PDE1C: variants seen among roughly 807,000 people sequenced by gnomAD.
The protein encoded by PDE1C is dual specificity calcium/calmodulin-dependent 3',5'-cyclic nucleotide phosphodiesterase 1C.
In PDE1C, 62 loss-of-function variants were observed where a neutral mutation model predicts 93.1. The ratio of observed to expected loss-of-function variants is 0.67; its 90% CI spans 0.54 to 0.82. PDE1C has a LOEUF of 0.82. Among genes scored for constraint, PDE1C ranks in the 40% least tolerant of loss-of-function variants. PDE1C has a pLI of 0.00. For missense variants in PDE1C, 742 were observed against 884.6 expected, an observed-to-expected ratio of 0.84 and a Z score of 2.04; for synonymous variants, 325 against 310.1, an observed-to-expected ratio of 1.05 and a Z score of -0.50.
intron 1 of PDE1C, among the ~76,000 whole-genome samples, chr7:32,260,153 T>C (rs1340943096): frequency 6.6e-6 from 1 of 152,180 alleles, no homozygotes; most frequent in Non-Finnish European, 1.5e-5. Flanking sequence ...CTTCAGGTTC[T>C]GACTCAAAGC....
intron 1 of PDE1C, among the ~76,000 whole-genome samples, chr7:32,325,574 C>G (rs1783389860): frequency 6.6e-6 from 1 of 152,236 alleles, no homozygotes. Flanking sequence ...CATGTAAGAT[C>G]CAATCCAAGA....
chr7:31,653,553 T>C, the PDE1C span: 1 of 152,160 alleles, frequency 6.6e-6, no homozygotes, highest in Non-Finnish European at 1.5e-5. Context: ...CAGAACTGTT[T>C]TAGACTAAAG....
chr7:32,231,956 T>TACACACAC (rs1491530109), intron 1 of PDE1C, among the ~76,000 whole-genome samples: 3 of 126,858 alleles, frequency 2.4e-5, no homozygotes, highest in Non-Finnish European at 3.6e-5. Context: ...TAAATATGTG[T>TACACACAC]ATACACACAC....
At chr7:32,020,799 A>C (rs1461312974) in intron 2 of PDE1C, among the ~76,000 whole-genome samples, 2 of 152,284 alleles carry the variant, frequency 1.3e-5, no homozygotes, top group East Asian at 3.9e-4. Context: ...TCTTCCCAAC[A>C]ACATGAGGAT....
At chr7:31,710,333 C>T in the PDE1C span, among the ~76,000 whole-genome samples, 1 of 152,310 alleles carries the variant, frequency 6.6e-6, no homozygotes, top group African/African-American at 2.4e-5. Context: ...ATGTGCAAGA[C>T]TTGGCGCTCT....
At chr7:32,122,100 C>T (rs1799332895) in intron 3 of PDE1C, among the ~76,000 whole-genome samples, 1 of 152,046 alleles carries the variant, frequency 6.6e-6, no homozygotes. Flanking sequence ...GACTTTAAAC[C>T]AACAAAGATC....
chr7:32,169,555 A>G (rs1316854560), intron 3 of PDE1C, among the ~76,000 whole-genome samples: 1 of 152,148 alleles, frequency 6.6e-6, no homozygotes. Context: ...AAATGCCAAT[A>G]CCAATTAAAT....
rs140142015 is a variant in PDE1C at position 32,188,379 on chromosome 7, T to A, written c.137-18423A>T. On this transcript the variant is annotated intron_variant, in intron 2 of 18. Transcript: ENST00000396193. ...TCAGCATACATACGATTCATTTATT[T>A]ATGTTGGTTCTTTCTTTTCTGACCT... Among the ~76,000 whole-genome samples, 74 of 152,258 alleles carry A rather than the reference T, an allele frequency of 4.9e-4. No individual in the cohort carries two copies. In the East Asian group the frequency reaches 0.013, roughly 27 times the overall value.
intron 2 of PDE1C, among the ~76,000 whole-genome samples, chr7:32,039,452 C>T (rs1791543047): frequency 6.6e-6 from 1 of 152,114 alleles, no homozygotes; most frequent in Admixed American, 6.6e-5. Context: ...AATGGTGGAA[C>T]ACATCTGAAA....
At chr7:32,298,849 C>T (rs1812797357) in exon 1 of PDE1C, 14 of 1,416,094 alleles carry the variant, frequency 9.9e-6, no homozygotes, top group Non-Finnish European at 1.3e-5. Context: ...GGCCGCGCCG[C>T]GCTGTCACTC....
intron 3 of PDE1C, among the ~76,000 whole-genome samples, chr7:32,085,347 T>A (rs1797001690): frequency 7.6e-6 from 1 of 131,212 alleles, no homozygotes; most frequent in African/African-American, 3.0e-5. Context: ...GCTCTGAAAT[T>A]GTGGCAATAA....
chr7:31,997,235 T>A (rs890757000), intron 2 of PDE1C, among the ~76,000 whole-genome samples: 2 of 152,164 alleles, frequency 1.3e-5, no homozygotes, highest in African/African-American at 4.8e-5. Context: ...ACCTCAAGCT[T>A]TTAATTTCTT....
the PDE1C span, among the ~76,000 whole-genome samples, chr7:31,701,227 C>CA: frequency 6.6e-6 from 1 of 152,090 alleles, no homozygotes; most frequent in African/African-American, 2.4e-5. Context: ...GTCAAAATAT[C>CA]AAAAATAGCA....
rs1420482923 is a variant in PDE1C, at chr7:31,984,759, T to A, written c.128+66795A>T. Among the ~76,000 whole-genome samples the A allele has an allele frequency of 7.9e-5, 12 of 152,342 alleles. No homozygotes were observed. In the South Asian group the frequency reaches 2.3e-3, roughly 29 times the overall value. ...TTTAAAAATTTATTCTGTTTGCAGA[T>A]TGTCTGTTACCTCAGTTAACAAAAA... On this transcript the variant is annotated intron_variant, in intron 2 of 17. Coordinates refer to ENST00000396191, the MANE Select transcript of PDE1C (RefSeq NM_001191057.4).
chr7:31,918,424 C>T (rs1051962953), intron 2 of PDE1C, among the ~76,000 whole-genome samples: 1 of 152,158 alleles, frequency 6.6e-6, no homozygotes, highest in Non-Finnish European at 1.5e-5. Context: ...CCACGAAGAC[C>T]CAAGTGATTT....
At chr7:31,650,942 C>T in the PDE1C span, among the ~76,000 whole-genome samples, 1 of 152,188 alleles carries the variant, frequency 6.6e-6, no homozygotes, top group Non-Finnish European at 1.5e-5. Context: ...AACAGCTGCC[C>T]TTCTGTTGCA....
At chr7:32,402,901 C>A (rs1784977225) in intron 1 of PDE1C, among the ~76,000 whole-genome samples, 1 of 152,074 alleles carries the variant, frequency 6.6e-6, no homozygotes. Context: ...CCTGTCTGAC[C>A]AAAGAAAGTG....
intron 2 of PDE1C, among the ~76,000 whole-genome samples, chr7:31,955,537 T>C (rs1431877068): frequency 6.6e-6 from 1 of 152,150 alleles, no homozygotes; most frequent in Non-Finnish European, 1.5e-5. Flanking sequence ...TAATAGGAAT[T>C]TCCTTGTGCC....
chr7:31,903,481 C>A (rs993451611), intron 2 of PDE1C, among the ~76,000 whole-genome samples: 1 of 151,904 alleles, frequency 6.6e-6, no homozygotes, highest in Non-Finnish European at 1.5e-5. Flanking sequence ...TTCTAAAGAA[C>A]CAACTTTTCA....
Sources: gnomAD v4.1 joint callset for allele counts (sites outside exome capture counted in the v4.1 genomes callset) on GRCh38, gnomAD v4.1.1 for gene constraint, MANE v1.5 for transcripts, NCBI Gene and HGNC (gene_info 2026-07-23, HGNC 2026-07-21) for gene names.